Variants in RXFP1 observed in about 807,000 individuals in gnomAD.
RXFP1 encodes relaxin family peptide receptor 1.
Under a neutral mutation model 89.8 loss-of-function variants are expected in RXFP1, and 73 were observed. The ratio of observed to expected loss-of-function variants is 0.81; its 90% CI spans 0.67 to 0.99. The LOEUF is 0.99. Ranked by LOEUF, RXFP1 falls within the 50% of genes least tolerant of loss-of-function variation. The pLI, the probability that RXFP1 is intolerant of heterozygous loss-of-function variation, is 0.00. For synonymous variants in RXFP1, 277 were observed against 305.5 expected, an observed-to-expected ratio of 0.91 and a Z score of 0.97; for missense variants, 793 against 895.5, an observed-to-expected ratio of 0.89 and a Z score of 1.46.
Position 158,540,800 on chromosome 4 carries a change from G to A in RXFP1, c.49+18775G>A, listed in dbSNP as rs563942957. On this transcript the variant is annotated intron_variant, in intron 1 of 17. Coordinates refer to ENST00000307765, the MANE Select transcript of RXFP1 (RefSeq NM_021634.4). ...CCTTAGCCTGTGCTGTAAACATGCC[G>A]TACAGGTGTGGGGAGCACACACTAC... Among the ~76,000 whole-genome samples the A allele has an allele frequency of 2.6e-5, 4 of 152,160 alleles. 1 individual carries two copies. The highest frequency in any genetic ancestry group is 4.2e-4 in the South Asian group (2 of 4,808).
At chr4:158,651,428 A>G (rs1445293372) in intron 17 of RXFP1, among the ~76,000 whole-genome samples, 1 of 152,208 alleles carries the variant, frequency 6.6e-6, no homozygotes, top group Non-Finnish European at 1.5e-5. Context: ...CTTAAATACT[A>G]AACAATATGT....
chr4:158,525,606 A>G (rs1230124061), intron 1 of RXFP1, among the ~76,000 whole-genome samples: 1 of 152,222 alleles, frequency 6.6e-6, no homozygotes, highest in Non-Finnish European at 1.5e-5. Flanking sequence ...TTTCTGTCTG[A>G]AAAACTGTAA....
At chr4:158,631,103 A>G (rs1767938444) in intron 11 of RXFP1, among the ~76,000 whole-genome samples, 1 of 152,184 alleles carries the variant, frequency 6.6e-6, no homozygotes, top group Admixed American at 6.5e-5. Context: ...GTCACTTGGG[A>G]TCTGGGCCAA....
At chr4:158,604,989 G>T in intron 4 of RXFP1, 79 bp from the exon 5 acceptor site, 1 of 748,170 alleles carries the variant, frequency 1.3e-6, no homozygotes, top group East Asian at 2.6e-5. Context: ...AAAGTAAATA[G>T]TTTGTAATTA....
chr4:158,528,567 C>G (rs1350388920), intron 1 of RXFP1, among the ~76,000 whole-genome samples: 1 of 152,130 alleles, frequency 6.6e-6, no homozygotes, highest in Admixed American at 6.5e-5. Flanking sequence ...CTATTAATAT[C>G]TCCTCTCCAG....
chr4:158,541,827 A>G (rs961403263), intron 1 of RXFP1, among the ~76,000 whole-genome samples: 3 of 152,062 alleles, frequency 2.0e-5, no homozygotes, highest in African/African-American at 2.4e-5. Context: ...TTGAAAAATC[A>G]TATTATTTAA....
chr4:158,528,918 C>T (rs571247373), intron 1 of RXFP1, among the ~76,000 whole-genome samples: 2 of 152,352 alleles, frequency 1.3e-5, no homozygotes, highest in East Asian at 3.9e-4. Flanking sequence ...AAAAAGAATG[C>T]CATCTGTTCT....
intron 1 of RXFP1, among the ~76,000 whole-genome samples, chr4:158,561,809 G>T (rs551592522): frequency 2.6e-5 from 4 of 151,850 alleles, no homozygotes; most frequent in African/African-American, 9.7e-5. Flanking sequence ...TGTATTATTA[G>T]TAGGGACAGG....
chr4:158,526,658 C>G (rs1742576323), intron 1 of RXFP1, among the ~76,000 whole-genome samples: 1 of 152,070 alleles, frequency 6.6e-6, no homozygotes, highest in East Asian at 1.9e-4. Context: ...TTATAGCAAC[C>G]TGGATATTAT....
At chr4:158,583,012 A>G (rs1314935681) in intron 2 of RXFP1, among the ~76,000 whole-genome samples, 1 of 152,224 alleles carries the variant, frequency 6.6e-6, no homozygotes, top group African/African-American at 2.4e-5. Flanking sequence ...CATCCCTTTC[A>G]GGCAATGAAA....
chr4:158,522,054 T>G (rs751406471), intron 1 of RXFP1, 29 bp downstream of exon 1: 1 of 1,344,314 alleles, frequency 7.4e-7, no homozygotes. Flanking sequence ...TAATTTTGTA[T>G]ACCTTAGTAT....
At chr4:158,573,034 G>C in intron 2 of RXFP1, 199 bp downstream of exon 2, 1 of 730,046 alleles carries the variant, frequency 1.4e-6, no homozygotes, top group Non-Finnish European at 2.0e-6. Flanking sequence ...TTTTGAGACG[G>C]AGTCTCGCTC....
chr4:158,646,571 T>C, intron 15 of RXFP1: 14 of 1,371,716 alleles, frequency 1.0e-5, no homozygotes, highest in Non-Finnish European at 1.3e-5. Flanking sequence ...AAGAAATGAT[T>C]GCATAATTAA....
chr4:158,536,162 A>G (rs1474427845), intron 1 of RXFP1, among the ~76,000 whole-genome samples: 3 of 152,246 alleles, frequency 2.0e-5, no homozygotes, highest in Non-Finnish European at 4.4e-5. Flanking sequence ...GATTTTATTC[A>G]GCAACTATAA....
intron 2 of RXFP1, among the ~76,000 whole-genome samples, chr4:158,574,903 C>T (rs141416133): frequency 6.6e-6 from 1 of 151,688 alleles, no homozygotes; most frequent in Non-Finnish European, 1.5e-5. Context: ...AAAAAAACAA[C>T]GTCTTGTTAA....
At chr4:158,572,036 ACACACCTGGTGAAACCAATCC>A (rs1384544989) in intron 1 of RXFP1, among the ~76,000 whole-genome samples, 6 of 152,154 alleles carry the variant, frequency 3.9e-5, no homozygotes, top group Admixed American at 3.9e-4. Flanking sequence ...TATGTAAATG[ACACACCTGGTGAAACCAATCC>A]CCTGGGCTCT....
chr4:158,607,038 A>G, intron 5 of RXFP1: 1 of 1,527,050 alleles, frequency 6.5e-7, no homozygotes. Flanking sequence ...AATTGCATAT[A>G]AACTTTCAGG....
At chr4:158,562,920 T>C (rs1481847098) in intron 1 of RXFP1, among the ~76,000 whole-genome samples, 1 of 152,176 alleles carries the variant, frequency 6.6e-6, no homozygotes. Flanking sequence ...TAGAGGCTAA[T>C]ATTCCTAAGT....
chr4:158,594,604 T>G (rs1760178014), intron 3 of RXFP1, among the ~76,000 whole-genome samples: 1 of 152,152 alleles, frequency 6.6e-6, no homozygotes, highest in Non-Finnish European at 1.5e-5. Flanking sequence ...AGGCTATAGA[T>G]AGGATGTTTT....
Sources: gnomAD v4.1 joint callset for allele counts (sites outside exome capture counted in the v4.1 genomes callset) on GRCh38, gnomAD v4.1.1 for gene constraint, MANE v1.5 for transcripts, NCBI Gene and HGNC (gene_info 2026-07-23, HGNC 2026-07-21) for gene names.